RIMKLB: variants seen among roughly 807,000 people sequenced by gnomAD.
The protein encoded by RIMKLB is ribosomal modification protein rimK like family member B.
Under a neutral mutation model 32.0 loss-of-function variants are expected in RIMKLB, and 7 were observed. The ratio of observed to expected loss-of-function variants is 0.22; its 90% CI spans 0.12 to 0.41. The LOEUF (loss-of-function observed/expected upper bound fraction) is 0.41, where lower values mean the gene tolerates loss of function less well. RIMKLB is among the 10% of genes least tolerant of loss of function. The pLI is 1.00. For missense variants in RIMKLB, 289 were observed against 498.7 expected (o/e 0.58, Z 4.00); for synonymous variants, 172 against 185.1 (o/e 0.93, Z 0.57).
intron 2 of RIMKLB, among the ~76,000 whole-genome samples, chr12:8,732,936 A>G (rs890621096): frequency 6.6e-6 from 1 of 152,204 alleles, no homozygotes; most frequent in Non-Finnish European, 1.5e-5. Flanking sequence ...AATATACCGC[A>G]TAGGTCTTCT....
intron 5 of RIMKLB, among the ~76,000 whole-genome samples, chr12:8,765,455 G>A (rs1949876515): frequency 1.3e-5 from 2 of 152,094 alleles, no homozygotes; most frequent in Non-Finnish European, 1.5e-5. Flanking sequence ...AGTTATGGCG[G>A]CCCTTCTCTC....
chr12:8,747,269 C>G (rs1007716575), intron 2 of RIMKLB, among the ~76,000 whole-genome samples: 2 of 152,116 alleles, frequency 1.3e-5, no homozygotes, highest in African/African-American at 4.8e-5. Flanking sequence ...CTTTACCTGA[C>G]CAACCATATC....
chr12:8,673,327 C>T, the RIMKLB span, among the ~76,000 whole-genome samples: 1 of 152,122 alleles, frequency 6.6e-6, no homozygotes, highest in Non-Finnish European at 1.5e-5. Flanking sequence ...GATACCTTTC[C>T]ATTTGAAGAG....
upstream of RIMKLB, among the ~76,000 whole-genome samples, chr12:8,676,834 T>G (rs1230544824): frequency 1.3e-5 from 2 of 152,100 alleles, no homozygotes; most frequent in African/African-American, 2.4e-5. Context: ...GGAAACCGAC[T>G]CAGGAAGGGG....
chr12:8,779,255 G>C (rs1445845318), downstream of RIMKLB: 1 of 152,038 alleles, frequency 6.6e-6, no homozygotes, highest in Non-Finnish European at 1.5e-5. Flanking sequence ...CTTGCTTTTA[G>C]ATTTTACCAT....
In RIMKLB at chr12:8,773,559, C is replaced by T; in HGVS notation, c.936C>T (p.Leu312=). Reference sequence around the variant, plus strand: ...CCTCCCTTCTACCCTCTGGCCGGCTCACCCGGCGTATGTCCCTGCTCTCCG... The same window carrying T: ...CCTCCCTTCTACCCTCTGGCCGGCTTACCCGGCGTATGTCCCTGCTCTCCG... The part of the protein sequence containing the change: ...YAASLLPSGR[L]TRRMSLLSVV... The change falls in exon 6 of 6, where the codon CTC becomes CTT. Residue 312 remains leucine (L), a synonymous_variant. Coordinates refer to ENST00000535829, the MANE Select transcript of RIMKLB (RefSeq NM_001297776.2). 1 of 1,614,260 alleles carries T rather than the reference C, an allele frequency of 6.2e-7. No individual in the cohort carries two copies. The highest frequency in any genetic ancestry group is 8.5e-7 in the Non-Finnish European group (1 of 1,180,042).
chr12:8,672,611 C>CT, the RIMKLB span, among the ~76,000 whole-genome samples: 4 of 151,878 alleles, frequency 2.6e-5, no homozygotes, highest in Admixed American at 6.6e-5. Context: ...GATGACCCCC[C>CT]CATGATACAA....
chr12:8,716,929 T>C (rs996964063), intron 2 of RIMKLB, among the ~76,000 whole-genome samples: 1 of 151,554 alleles, frequency 6.6e-6, no homozygotes, highest in Non-Finnish European at 1.5e-5. Context: ...ACTTTTATCA[T>C]CTTAATATTG....
intron 5 of RIMKLB, among the ~76,000 whole-genome samples, chr12:8,759,221 C>T (rs1434840225): frequency 6.6e-6 from 1 of 151,960 alleles, no homozygotes; most frequent in East Asian, 1.9e-4. Flanking sequence ...ATGGTGAAAC[C>T]CCATCTCTAC....
chr12:8,683,777 C>G (rs919941830), intron 1 of RIMKLB, among the ~76,000 whole-genome samples: 43 of 152,278 alleles, frequency 2.8e-4, no homozygotes, highest in African/African-American at 9.4e-4. Flanking sequence ...GACAGAGTCT[C>G]GCTCCTGCCG....
At chr12:8,677,834 C>G (rs1433403942), upstream of RIMKLB, among the ~76,000 whole-genome samples, 1 of 151,504 alleles carries the variant, frequency 6.6e-6, no homozygotes, top group Non-Finnish European at 1.5e-5. Flanking sequence ...CTCACTGGAA[C>G]CTCCACCTCC....
At chr12:8,745,401 AT>A (rs144089371) in intron 2 of RIMKLB, among the ~76,000 whole-genome samples, 21 of 149,002 alleles carry the variant, frequency 1.4e-4, no homozygotes, top group African/African-American at 4.0e-4. Flanking sequence ...ATTCCCGTAA[AT>A]TTTTTTTTTG....
At chr12:8,715,210 T>C (rs1944710961) in intron 2 of RIMKLB, among the ~76,000 whole-genome samples, 2 of 151,702 alleles carry the variant, frequency 1.3e-5, no homozygotes, top group African/African-American at 4.8e-5. Flanking sequence ...TTTGCTTAAA[T>C]GGATAAGTGC....
Position 8,749,887 on chromosome 12 carries a change from C to T in RIMKLB, c.201C>T (p.Ile67=), listed in dbSNP as rs765539481. 1 of 1,608,644 alleles carries T rather than the reference C, an allele frequency of 6.2e-7. No individual in the cohort carries two copies. The highest frequency in any genetic ancestry group is 2.2e-5 in the East Asian group (1 of 44,698). The change falls in exon 3 of 6, where the codon ATC becomes ATT. Residue 67 remains isoleucine, a synonymous_variant. Coordinates refer to ENST00000535829, the MANE Select transcript of RIMKLB (RefSeq NM_001297776.2). The part of the protein sequence containing the change: ...NLGLRINGEL[I]TAYPQVVVVR... ...GTCTGCGGATCAATGGAGAGCTAAT[C>T]ACTGCCTACCCACAAGTGGTGGTAG... is the stretch of plus-strand genomic sequence containing the variant.
At chr12:8,686,195 C>A (rs1942566124) in intron 1 of RIMKLB, among the ~76,000 whole-genome samples, 1 of 152,116 alleles carries the variant, frequency 6.6e-6, no homozygotes, top group South Asian at 2.1e-4. Context: ...ACTGATCCAC[C>A]CACCTTGCCC....
chr12:8,717,476 T>C, intron 2 of RIMKLB, among the ~76,000 whole-genome samples: 1 of 152,152 alleles, frequency 6.6e-6, no homozygotes. Context: ...TCAGTGTATG[T>C]AAAACTGCTC....
intron 1 of RIMKLB, among the ~76,000 whole-genome samples, chr12:8,692,008 T>TG (rs1243741638): frequency 6.6e-6 from 1 of 152,102 alleles, no homozygotes; most frequent in Non-Finnish European, 1.5e-5. Flanking sequence ...AGAGGGTTTT[T>TG]TTTTTCCTTT....
intron 2 of RIMKLB, among the ~76,000 whole-genome samples, chr12:8,741,066 G>C (rs1947468454): frequency 6.6e-6 from 1 of 152,146 alleles, no homozygotes; most frequent in African/African-American, 2.4e-5. Context: ...AATTAGCTGG[G>C]TGTGGTAGTG....
chr12:8,774,835 G>A lies in RIMKLB; in HGVS notation c.*1051G>A, dbSNP rs1178630959. On this transcript the variant is annotated 3_prime_UTR_variant, in exon 6 of 6. Coordinates refer to ENST00000535829, the MANE Select transcript of RIMKLB (RefSeq NM_001297776.2). ...AGCTGAAGTGATTTCGAATGCCAGC[G>A]TTATATATTTGCATTTTTCACATTT... is the stretch of plus-strand genomic sequence containing the variant. 10 of 985,306 alleles carry A rather than the reference G, an allele frequency of 1.0e-5. No individual in the cohort carries two copies. The East Asian group carries it at 3.4e-4, about 33-fold the overall frequency. 61.0% of individuals were successfully genotyped at this position (985,306 alleles called of 1,614,324 possible). A position where few individuals can be genotyped will look rare whatever the true frequency, so the allele number is the denominator to read the frequency against.
Sources: allele counts gnomAD v4.1 joint callset (sites outside exome capture counted in the v4.1 genomes callset), GRCh38; gene constraint gnomAD v4.1.1; transcripts MANE v1.5; gene names NCBI Gene and HGNC (gene_info 2026-07-23, HGNC 2026-07-21).